TMEM39A: variants seen among roughly 807,000 people sequenced by gnomAD.
The protein encoded by TMEM39A is transmembrane protein 39A, also known as suppressor of SQST-1 aggregates in rpl-43 mutants.
A neutral mutation model predicts 51.9 loss-of-function variants in TMEM39A; 19 were observed. That is an observed-to-expected ratio of 0.37 (90% CI 0.26 to 0.54). TMEM39A has a LOEUF of 0.54. Ranked by LOEUF, TMEM39A falls within the 20% of genes least tolerant of loss-of-function variation. TMEM39A has a pLI of 0.88. For synonymous variants in TMEM39A, 197 were observed against 220.2 expected (o/e 0.89, Z 0.93); for missense variants, 433 against 590.5 (o/e 0.73, Z 2.76).
intron 3 of TMEM39A, among the ~76,000 whole-genome samples, chr3:119,453,121 A>C (rs2081221333): frequency 6.6e-6 from 1 of 152,356 alleles, no homozygotes; most frequent in East Asian, 1.9e-4. Context: ...TGTATATACA[A>C]CTGTGGTAAT....
At position 119,458,252 on chromosome 3, in the gene TMEM39A, A is replaced by G. The variant is rs746947749; in HGVS notation, c.114-12T>C. On this transcript the variant is annotated splice_polypyrimidine_tract_variant and intron_variant, in intron 2 of 8. Transcript: ENST00000319172. ...TAGCACTACCATTCCTGAAAGAGAAAACTATGGTTAACTCAAATGGTGATA... is the reference window on the plus strand; with the variant it reads ...TAGCACTACCATTCCTGAAAGAGAAGACTATGGTTAACTCAAATGGTGATA... 3.1e-6 allele frequency: 5 copies of G among 1,610,786 alleles called. No individual in the cohort carries two copies. The South Asian group carries it at 4.4e-5, about 14-fold the overall frequency.
At position 119,447,001 on chromosome 3, in the gene TMEM39A, A is replaced by T; in HGVS notation, c.575+17T>A. ...TCTAAAGATTTACTAATAACATGGTAAAACTGGAGTACTCACGGGTAGCCA... is the reference window on the plus strand; with the variant it reads ...TCTAAAGATTTACTAATAACATGGTTAAACTGGAGTACTCACGGGTAGCCA... On this transcript the variant is annotated intron_variant, in intron 5 of 8. Coordinates refer to ENST00000319172, the MANE Select transcript of TMEM39A (RefSeq NM_018266.3). The T allele has an allele frequency of 6.2e-7, 1 of 1,606,900 alleles. No individual in the cohort carries two copies. The highest frequency in any genetic ancestry group is 8.5e-7 in the Non-Finnish European group (1 of 1,177,412).
At chr3:119,449,344 C>T (rs1445131698) in intron 4 of TMEM39A, among the ~76,000 whole-genome samples, 4 of 152,092 alleles carry the variant, frequency 2.6e-5, no homozygotes, top group Non-Finnish European at 4.4e-5. Context: ...GAGGCAGAGG[C>T]AGGTGGATCA....
intron 5 of TMEM39A, among the ~76,000 whole-genome samples, chr3:119,444,749 A>G (rs184308880): frequency 6.6e-6 from 1 of 152,324 alleles, no homozygotes; most frequent in East Asian, 1.9e-4. Flanking sequence ...GGTTTGGGGT[A>G]GATTCTGAGA....
intron 7 of TMEM39A, chr3:119,435,619 A>AT (rs1198397002): frequency 1.0e-6 from 1 of 983,218 alleles, no homozygotes; most frequent in Non-Finnish European, 1.2e-6. Flanking sequence ...TCTCTTCCTG[A>AT]TTTTGGAAAG....
At chr3:119,450,681 G>A (rs1358916017) in intron 4 of TMEM39A, among the ~76,000 whole-genome samples, 1 of 151,802 alleles carries the variant, frequency 6.6e-6, no homozygotes, top group Non-Finnish European at 1.5e-5. Context: ...AATTAGCTGG[G>A]TATGGTCGTG....
intron 2 of TMEM39A, among the ~76,000 whole-genome samples, chr3:119,461,295 A>T (rs2081334057): frequency 6.6e-6 from 1 of 151,456 alleles, no homozygotes; most frequent in Non-Finnish European, 1.5e-5. Flanking sequence ...GAAAGTCAGG[A>T]AAAAAAAAGG....
chr3:119,456,947 C>G (rs887303052), intron 3 of TMEM39A, among the ~76,000 whole-genome samples: 1 of 151,388 alleles, frequency 6.6e-6, no homozygotes, highest in African/African-American at 2.4e-5. Context: ...GGTGAACCTT[C>G]TCTGCATCAA....
intron 7 of TMEM39A, 94 bp from the exon 8 acceptor site, chr3:119,434,976 A>G: frequency 6.7e-7 from 1 of 1,501,214 alleles, no homozygotes; most frequent in Non-Finnish European, 9.0e-7. Flanking sequence ...AAGGAATTAA[A>G]TAATCAAGGC....
intron 4 of TMEM39A, among the ~76,000 whole-genome samples, chr3:119,450,826 C>CAAAAA (rs60326718): frequency 6.3e-4 from 35 of 55,878 alleles, no homozygotes; most frequent in South Asian, 6.1e-3. Flanking sequence ...GACTCCATCT[C>CAAAAA]AAAAAAAAAA....
At position 119,437,903 on chromosome 3, in the gene TMEM39A, G is replaced by A. The variant is rs778640679; in HGVS notation, c.776C>T (p.Pro259Leu). The stretch of plus-strand genomic sequence containing the variant: ...TGGAGATAGGGGACAACTGTGGGTG[G>A]GGATGGGTGTGGCATTATTAAACTG... ...KEQFNNATPI[P>L]THSCPLSPDL... is the part of the protein sequence containing the mutation. Residue 259 changes from proline to leucine, a missense_variant, in exon 6 of 9, where the codon CCC becomes CTC. Coordinates refer to ENST00000319172, the MANE Select transcript of TMEM39A (RefSeq NM_018266.3). The A allele has an allele frequency of 1.9e-6, 3 of 1,613,816 alleles. No individual in the cohort carries two copies. The highest frequency in any genetic ancestry group is 2.5e-6 in the Non-Finnish European group (3 of 1,179,756).
intron 4 of TMEM39A, among the ~76,000 whole-genome samples, chr3:119,450,060 G>A (rs2081178813): frequency 6.6e-6 from 1 of 152,152 alleles, no homozygotes; most frequent in Non-Finnish European, 1.5e-5. Context: ...ATTTATGATA[G>A]GTTTTATCCA....
At chr3:119,449,768 C>T (rs1701252533) in intron 4 of TMEM39A, among the ~76,000 whole-genome samples, 1 of 152,054 alleles carries the variant, frequency 6.6e-6, no homozygotes, top group African/African-American at 2.4e-5. Flanking sequence ...AAGAGAGTTG[C>T]TTCAGGTTGG....
intron 3 of TMEM39A, among the ~76,000 whole-genome samples, chr3:119,455,241 T>C (rs1339303854): frequency 1.3e-5 from 2 of 152,210 alleles, no homozygotes; most frequent in Non-Finnish European, 2.9e-5. Flanking sequence ...CCTTCAGTGA[T>C]GGGAAATAAC....
intron 5 of TMEM39A, 189 bp downstream of exon 5, chr3:119,446,829 C>T: frequency 1.6e-6 from 1 of 631,502 alleles, no homozygotes; most frequent in Non-Finnish European, 2.6e-6. Flanking sequence ...CTGGTTTATG[C>T]CTGTTGTCCC....
At chr3:119,459,887 A>C (rs1479526896) in intron 2 of TMEM39A, among the ~76,000 whole-genome samples, 1 of 152,206 alleles carries the variant, frequency 6.6e-6, no homozygotes, top group Non-Finnish European at 1.5e-5. Flanking sequence ...TCCAGAAGTG[A>C]GTTCTCCTCA....
chr3:119,431,929 G>A lies in TMEM39A; in HGVS notation c.*52C>T. The A allele has an allele frequency of 8.5e-7, 1 of 1,181,976 alleles. No homozygotes were observed. The highest frequency in any genetic ancestry group is 1.2e-6 in the Non-Finnish European group (1 of 854,770). The allele number at this position is 1,181,976 out of a possible 1,614,324, so 73.2% of individuals were successfully genotyped here. A position where few individuals can be genotyped will look rare whatever the true frequency, so the allele number is the denominator to read the frequency against. Reference sequence around the variant, plus strand: ...TTATAAAAATCACAAGAAAAAAATAGAACGTATGAAAATATTTTTATCTGA... The same window carrying A: ...TTATAAAAATCACAAGAAAAAAATAAAACGTATGAAAATATTTTTATCTGA... On this transcript the variant is annotated 3_prime_UTR_variant, in exon 9 of 9. Coordinates refer to ENST00000319172, the MANE Select transcript of TMEM39A (RefSeq NM_018266.3).
At chr3:119,443,063 CAAAAAAAAAAAA>C (rs56263355) in intron 5 of TMEM39A, among the ~76,000 whole-genome samples, 1 of 53,092 alleles carries the variant, frequency 1.9e-5, no homozygotes, top group Non-Finnish European at 3.7e-5. Flanking sequence ...GACCCTGTCT[CAAAAAAAAAAAA>C]AAAAAAAAAA....
intron 8 of TMEM39A, among the ~76,000 whole-genome samples, 155 bp from the exon 9 acceptor site, chr3:119,432,369 T>C (rs1237299807): frequency 6.6e-6 from 1 of 152,182 alleles, no homozygotes; most frequent in Non-Finnish European, 1.5e-5. Flanking sequence ...AGGCTATTTC[T>C]TGCTATAAAG....
Sources: gnomAD v4.1 joint callset for allele counts (sites outside exome capture counted in the v4.1 genomes callset) on GRCh38, gnomAD v4.1.1 for gene constraint, MANE v1.5 for transcripts, NCBI Gene and HGNC (gene_info 2026-07-23, HGNC 2026-07-21) for gene names.